MPPED1: variants seen among roughly 807,000 people sequenced by gnomAD.
MPPED1 encodes the protein metallophosphoesterase domain-containing protein 1.
A neutral mutation model predicts 36.2 loss-of-function variants in MPPED1; 16 were observed. The ratio of observed to expected loss-of-function variants is 0.44; its 90% CI spans 0.30 to 0.67. The LOEUF is 0.67. Among genes scored for constraint, MPPED1 ranks in the 30% least tolerant of loss-of-function variants. The pLI is 0.10. For synonymous variants in MPPED1, 199 were observed against 191.3 expected (o/e 1.04, Z -0.33); for missense variants, 307 against 453.4 (o/e 0.68, Z 2.93).
At chr22:43,484,898 T>C (rs1006266103) in intron 4 of MPPED1, among the ~76,000 whole-genome samples, 2 of 152,190 alleles carry the variant, frequency 1.3e-5, no homozygotes, top group Non-Finnish European at 2.9e-5. Flanking sequence ...CTCCGTCTCC[T>C]TCCCGTACTG....
chr22:43,492,028 AGGTGGTGGAGGTGGT>A (rs1932121556), intron 4 of MPPED1, among the ~76,000 whole-genome samples: 1 of 128,328 alleles, frequency 7.8e-6, no homozygotes, highest in African/African-American at 3.0e-5. Context: ...GTGATGATGG[AGGTGGTGGAGGTGGT>A]GGTGATGGAG....
intron 4 of MPPED1, among the ~76,000 whole-genome samples, chr22:43,494,533 C>T (rs1932195342): frequency 6.6e-6 from 1 of 152,200 alleles, no homozygotes; most frequent in African/African-American, 2.4e-5. Flanking sequence ...ACATGGCCCT[C>T]TTTTAAGGAC....
chr22:43,432,849 G>GGA lies in MPPED1; in HGVS notation c.225-2176_225-2175dup, dbSNP rs1297482212. ...AAGGGAGGAGAGAGAGAGAAAGGGA[G>GGA]GAGAGAGAGAAAGGGAGGAGAGAGA... On this transcript the variant is annotated intron_variant, in intron 2 of 6. Transcript: ENST00000443721. Among the ~76,000 whole-genome samples the GGA allele has an allele frequency of 9.8e-3, 399 of 40,804 alleles. 14 individuals carry two copies. Among genetic ancestry groups the GGA allele is most frequent in the Admixed American group, 0.017 (54 of 3,140 alleles). The allele number at this position is 40,804 out of a possible 152,430, so 26.8% of individuals were successfully genotyped here. A position where few individuals can be genotyped will look rare whatever the true frequency, so the allele number is the denominator to read the frequency against.
intron 3 of MPPED1, among the ~76,000 whole-genome samples, chr22:43,471,449 C>A (rs1025272125): frequency 6.6e-6 from 1 of 152,214 alleles, no homozygotes; most frequent in Admixed American, 6.5e-5. Flanking sequence ...GCTGGACCAG[C>A]GTCCCCCTCC....
At chr22:43,441,930 G>A (rs900048360) in intron 3 of MPPED1, among the ~76,000 whole-genome samples, 5 of 152,288 alleles carry the variant, frequency 3.3e-5, no homozygotes, top group Admixed American at 2.0e-4. Context: ...GCCTGCCGGC[G>A]GAATGGGCAC....
chr22:43,444,361 TA>T, intron 3 of MPPED1, among the ~76,000 whole-genome samples: 1 of 140,268 alleles, frequency 7.1e-6, no homozygotes, highest in Non-Finnish European at 1.5e-5. Context: ...TCTTTCTATC[TA>T]TCTTTTTTTT....
In MPPED1 at chr22:43,435,125, C is replaced by A; in HGVS notation, c.316C>A (p.Gln106Lys). 3 of 1,613,910 alleles carry A rather than the reference C, an allele frequency of 1.9e-6. No individual in the cohort carries two copies. The highest frequency in any genetic ancestry group is 2.5e-6 in the Non-Finnish European group (3 of 1,179,910). The change falls in exon 3 of 7, where the codon CAG becomes AAG. Residue 106 changes from glutamine to lysine, a missense_variant. This residue lies in a region of MPPED1 where 169 missense variants were observed against 212.3 expected (regional missense o/e 0.80). Coordinates refer to ENST00000443721, the MANE Select transcript of MPPED1 (RefSeq NM_001044370.2). ...TACCCACTCGAGGACGGACCCCATCCAGATGCCGTACGGCGACGTGCTGAT... is the reference window on the plus strand; with the variant it reads ...TACCCACTCGAGGACGGACCCCATCAAGATGCCGTACGGCGACGTGCTGAT... ...SDTHSRTDPI[Q>K]MPYGDVLIHA...
intron 3 of MPPED1, among the ~76,000 whole-genome samples, chr22:43,450,841 CT>C (rs1434080483): frequency 6.6e-6 from 1 of 152,142 alleles, no homozygotes; most frequent in Non-Finnish European, 1.5e-5. Flanking sequence ...ATTCTCCTGC[CT>C]CAGCCTCCCG....
At chr22:43,498,490 C>A in intron 5 of MPPED1, 140 bp downstream of exon 5, 1 of 602,886 alleles carries the variant, frequency 1.7e-6, no homozygotes, top group Non-Finnish European at 2.8e-6. Flanking sequence ...GAGGACACGT[C>A]GCCCCATGGT....
intron 4 of MPPED1, among the ~76,000 whole-genome samples, chr22:43,487,323 C>A (rs1931944112): frequency 6.6e-6 from 1 of 152,188 alleles, no homozygotes; most frequent in Non-Finnish European, 1.5e-5. Flanking sequence ...CTAGCACAAG[C>A]AAAACCTGGA....
At chr22:43,432,885 G>T (rs1365783795) in intron 2 of MPPED1, among the ~76,000 whole-genome samples, 1 of 98,046 alleles carries the variant, frequency 1.0e-5, no homozygotes, top group East Asian at 3.3e-4. Context: ...GAGGGAAAGA[G>T]AAAGGGAGGA....
chr22:43,431,405 G>C (rs1043970253), intron 2 of MPPED1, among the ~76,000 whole-genome samples: 40 of 152,144 alleles, frequency 2.6e-4, no homozygotes, highest in Admixed American at 1.2e-3. Flanking sequence ...TCAGGTTTCT[G>C]GATCTTCACA....
rs750226352 is a variant in MPPED1 at position 43,474,895 on chromosome 22, C to G, written c.566C>G (p.Thr189Ser). The G allele has an allele frequency of 2.5e-6, 4 of 1,613,918 alleles. No homozygotes were observed. The Admixed American group carries it at 5.0e-5, about 20-fold the overall frequency. ...TATGAGAATGTGCAGTCGCTGCTGA[C>G]CAACTGCATCTACCTTCAGGACTCG... Reference protein sequence around the residue: ...ENYENVQSLLTNCIYLQDSEV... With the variant: ...ENYENVQSLLSNCIYLQDSEV... The change falls in exon 4 of 7, where the codon ACC becomes AGC. Residue 189 changes from threonine to serine, a missense_variant. This residue lies in a region of MPPED1 where 132 missense variants were observed against 212.3 expected (regional missense o/e 0.62). Coordinates refer to ENST00000443721, the MANE Select transcript of MPPED1 (RefSeq NM_001044370.2). The surrounding 1 kb of genome is among the most constrained non-coding windows in gnomAD (Gnocchi z 5.2).
chr22:43,462,992 C>T (rs1931007067), intron 3 of MPPED1, among the ~76,000 whole-genome samples: 1 of 152,150 alleles, frequency 6.6e-6, no homozygotes, highest in African/African-American at 2.4e-5. Flanking sequence ...TTTATTCTGT[C>T]CTGTCTTAAC....
At chr22:43,458,971 T>A (rs1481378779) in intron 3 of MPPED1, among the ~76,000 whole-genome samples, 1 of 152,244 alleles carries the variant, frequency 6.6e-6, no homozygotes, top group Non-Finnish European at 1.5e-5. Flanking sequence ...TGTGGACCTC[T>A]TTGAGTTTAT....
chr22:43,470,873 G>A (rs1931351555), intron 3 of MPPED1, among the ~76,000 whole-genome samples: 2 of 152,250 alleles, frequency 1.3e-5, no homozygotes, highest in Non-Finnish European at 2.9e-5. Context: ...TCAGAGGGAT[G>A]TGGTGCTGGA....
chr22:43,495,628 G>A (rs1309686804), intron 4 of MPPED1, among the ~76,000 whole-genome samples: 3 of 95,712 alleles, frequency 3.1e-5, no homozygotes, highest in Non-Finnish European at 4.8e-5. Context: ...TGGTGGAGAT[G>A]GTGGTGGTGG....
rs1000128074 is a variant in MPPED1 at position 43,436,339 on chromosome 22, CA to C, written c.406+1125del. Among the ~76,000 whole-genome samples the C allele has an allele frequency of 3.9e-5, 6 of 152,216 alleles. 1 individual carries two copies. Among genetic ancestry groups the C allele is most frequent in the African/African-American group, 1.4e-4 (6 of 41,468 alleles). On this transcript the variant is annotated intron_variant, in intron 3 of 6. Transcript: ENST00000443721. ...TGCCAGACGGTCCCTTCCGCCTCCCCAGGGGCGTCCCGCTGTGCAGTTGGCT... is the reference window on the plus strand; with the variant it reads ...TGCCAGACGGTCCCTTCCGCCTCCCCGGGGCGTCCCGCTGTGCAGTTGGCT...
rs755383951 is a variant in MPPED1 at position 43,435,014 on chromosome 22, A to G, written c.225-20A>G. On this transcript the variant is annotated intron_variant, in intron 2 of 6. Coordinates refer to ENST00000443721, the MANE Select transcript of MPPED1 (RefSeq NM_001044370.2). ...GCGGCTCCATGGCCTCCTGATCCGC[A>G]GTGTCATCTCTCCCTGCAGGGTGGA... 1 of 1,609,724 alleles carries G rather than the reference A, an allele frequency of 6.2e-7. No individual in the cohort carries two copies. Among genetic ancestry groups the G allele is most frequent in the East Asian group, 2.2e-5 (1 of 44,758 alleles).
Sources: allele counts gnomAD v4.1 joint callset (sites outside exome capture counted in the v4.1 genomes callset), GRCh38; gene constraint gnomAD v4.1.1; regional missense constraint gnomAD v4.1.1; non-coding constraint Gnocchi (gnomAD v3.1); transcripts MANE v1.5; gene names NCBI Gene and HGNC (gene_info 2026-07-23, HGNC 2026-07-21).